WDTC1: variants seen among roughly 807,000 people sequenced by gnomAD.
WDTC1 encodes the protein WD and tetratricopeptide repeats 1.
Under a neutral mutation model 76.0 loss-of-function variants are expected in WDTC1, and 12 were observed. The ratio of observed to expected loss-of-function variants is 0.16; its 90% CI spans 0.10 to 0.26. WDTC1 has a LOEUF of 0.26. WDTC1 is among the 10% of genes least tolerant of loss of function. The pLI, the probability that WDTC1 is intolerant of heterozygous loss-of-function variation, is 1.00. For missense variants in WDTC1, 511 were observed against 908.8 expected (o/e 0.56, Z 5.63); for synonymous variants, 326 against 350.8 (o/e 0.93, Z 0.79).
At chr1:27,298,974 C>G (rs144530036) in intron 12 of WDTC1, among the ~76,000 whole-genome samples, 3 of 152,226 alleles carry the variant, frequency 2.0e-5, no homozygotes, top group Admixed American at 6.5e-5. Flanking sequence ...AAGATGCTGT[C>G]CCCCGGCCTT....
chr1:27,254,942 T>G (rs1330873372), intron 1 of WDTC1, among the ~76,000 whole-genome samples: 4 of 145,528 alleles, frequency 2.7e-5, no homozygotes, highest in Non-Finnish European at 6.1e-5. Flanking sequence ...TGACATTTTG[T>G]TTTTTTTTTT....
intron 3 of WDTC1, among the ~76,000 whole-genome samples, chr1:27,265,649 TA>T (rs75154332): frequency 4.3e-4 from 63 of 145,282 alleles, no homozygotes; most frequent in Middle Eastern, 3.5e-3. Flanking sequence ...AGACCCTGTT[TA>T]AAAAAAAAAA....
chr1:27,244,356 C>T (rs1220243905), intron 1 of WDTC1, among the ~76,000 whole-genome samples: 5 of 151,966 alleles, frequency 3.3e-5, no homozygotes, highest in Non-Finnish European at 5.9e-5. Context: ...TTTGAGACAG[C>T]GCCTCACTTT....
intron 1 of WDTC1, among the ~76,000 whole-genome samples, chr1:27,259,144 CT>C (rs917820688): frequency 6.6e-6 from 1 of 151,936 alleles, no homozygotes; most frequent in African/African-American, 2.4e-5. Context: ...CTATTGTTTT[CT>C]TTTTATTATT....
At chr1:27,258,793 C>T (rs2012375416) in intron 1 of WDTC1, among the ~76,000 whole-genome samples, 1 of 152,156 alleles carries the variant, frequency 6.6e-6, no homozygotes, top group South Asian at 2.1e-4. Context: ...AGTCTGCTCA[C>T]AGATCAGGTG....
At chr1:27,239,433 C>A (rs2011565929) in intron 1 of WDTC1, among the ~76,000 whole-genome samples, 2 of 146,984 alleles carry the variant, frequency 1.4e-5, no homozygotes, top group South Asian at 4.3e-4. Flanking sequence ...GAGGCGGGGG[C>A]ATCACTTGAG....
In WDTC1 at chr1:27,306,499, C is replaced by G. The variant is rs907307688; in HGVS notation, c.*116C>G. On this transcript the variant is annotated 3_prime_UTR_variant, in exon 16 of 16. Coordinates refer to ENST00000319394, the MANE Select transcript of WDTC1 (RefSeq NM_001276252.2). This position sits in a 1 kb window ranked among gnomAD's most constrained non-coding sequence, Gnocchi z 5.0. Reference sequence around the variant, plus strand: ...CCACCACCCTTTTTTTTCATTTCCCCTGTTTTGTTTGTTAGTTTGGCGTTA... The same window carrying G: ...CCACCACCCTTTTTTTTCATTTCCCGTGTTTTGTTTGTTAGTTTGGCGTTA... 20 of 1,309,592 alleles carry G rather than the reference C, an allele frequency of 1.5e-5. No homozygotes were observed. The East Asian group carries it at 2.8e-4, about 18-fold the overall frequency. The allele number at this position is 1,309,592 out of a possible 1,614,324, so 81.1% of individuals were successfully genotyped here.
Position 27,305,340 on chromosome 1 carries a change from C to G in WDTC1, c.1836+147C>G, listed in dbSNP as rs539695401. The G allele has an allele frequency of 9.8e-7, 1 of 1,017,936 alleles. No homozygotes were observed. The highest frequency in any genetic ancestry group is 1.8e-5 in the South Asian group (1 of 56,122). 63.1% of individuals were successfully genotyped at this position (1,017,936 alleles called of 1,614,324 possible). On this transcript the variant is annotated intron_variant, in intron 15 of 15. Transcript: ENST00000319394. This position sits in a 1 kb window ranked among gnomAD's most constrained non-coding sequence, Gnocchi z 4.6. The stretch of plus-strand genomic sequence containing the variant: ...ACCCCGGGGCCCAAGGCTGTGTTCT[C>G]AGATTCCAGAAGCTCCAAATGCAGC...
chr1:27,270,693 C>CA (rs1473082685), intron 3 of WDTC1, among the ~76,000 whole-genome samples: 2 of 152,024 alleles, frequency 1.3e-5, no homozygotes, highest in African/African-American at 4.8e-5. Context: ...GACTCTCCCT[C>CA]AAAAAATTAA....
At chr1:27,283,008 G>A (rs2013232057) in intron 4 of WDTC1, among the ~76,000 whole-genome samples, 1 of 151,634 alleles carries the variant, frequency 6.6e-6, no homozygotes, top group African/African-American at 2.4e-5. Context: ...TGTGGTGGCG[G>A]GCGCCTGTAG....
intron 1 of WDTC1, among the ~76,000 whole-genome samples, chr1:27,235,946 C>T (rs535795528): frequency 2.8e-4 from 43 of 152,192 alleles, no homozygotes; most frequent in Non-Finnish European, 5.7e-4. Context: ...GGTAAAGTGG[C>T]AGTGAAGTCT....
intron 1 of WDTC1, among the ~76,000 whole-genome samples, chr1:27,256,665 G>T (rs1191944408): frequency 3.3e-5 from 5 of 152,006 alleles, no homozygotes; most frequent in Non-Finnish European, 7.4e-5. Context: ...TTTATTGTCT[G>T]TCCCTTCCTG....
intron 12 of WDTC1, among the ~76,000 whole-genome samples, chr1:27,300,762 C>T (rs528333204): frequency 1.3e-5 from 2 of 152,190 alleles, no homozygotes; most frequent in African/African-American, 4.8e-5. Context: ...CCCAGCCTGA[C>T]ACTTCTGGCT....
intron 1 of WDTC1, among the ~76,000 whole-genome samples, chr1:27,248,342 A>C (rs1229688965): frequency 6.6e-6 from 1 of 152,174 alleles, no homozygotes; most frequent in African/African-American, 2.4e-5. Context: ...AATAATAGCT[A>C]TCCTGACTAG....
chr1:27,287,400 C>G (rs1010549887), intron 5 of WDTC1, among the ~76,000 whole-genome samples: 10 of 151,936 alleles, frequency 6.6e-5, no homozygotes, highest in African/African-American at 2.4e-4. Context: ...GAGACAGTCT[C>G]GCTCTGTTGC....
At position 27,305,157 on chromosome 1, in the gene WDTC1, C is replaced by T. The variant is rs2013923785; in HGVS notation, c.1800C>T (p.Ile600=). 4.3e-6 allele frequency: 7 copies of T among 1,614,010 alleles called. No homozygotes were observed. The highest frequency in any genetic ancestry group is 5.1e-6 in the Non-Finnish European group (6 of 1,179,964). The change falls in exon 15 of 16, where the codon ATC becomes ATT. Residue 600 remains isoleucine (I), a synonymous_variant. Transcript: ENST00000319394. This position sits in a 1 kb window ranked among gnomAD's most constrained non-coding sequence, Gnocchi z 4.6. ...ACTGCTTCCTGGCCACCAGTGGCATCGATCCTGTTGTGCGGCTCTGGAACC... is the reference window on the plus strand; with the variant it reads ...ACTGCTTCCTGGCCACCAGTGGCATTGATCCTGTTGTGCGGCTCTGGAACC... The part of the protein sequence containing the change: ...PSYCFLATSG[I]DPVVRLWNPR...
rs1246276742 is a variant in WDTC1 at position 27,306,187 on chromosome 1, G to A, written c.1838G>A (p.Ser613Asn). Residue 613 changes from serine (S) to asparagine (N), a missense_variant and splice_region_variant, in exon 16 of 16, where the codon AGT (serine) becomes AAT (asparagine). Coordinates refer to ENST00000319394, the MANE Select transcript of WDTC1 (RefSeq NM_001276252.2). This position sits in a 1 kb window ranked among gnomAD's most constrained non-coding sequence, Gnocchi z 5.0. Reference protein sequence around the residue: ...VVRLWNPRPESEDLTGRVVED... With the variant: ...VVRLWNPRPENEDLTGRVVED... ...GTGTCACCCCTTTCTCCACCACAGA[G>A]TGAAGACCTCACAGGCCGAGTCGTG... 1.9e-6 allele frequency: 3 copies of A among 1,614,004 alleles called. No homozygotes were observed. The highest frequency in any genetic ancestry group is 2.2e-5 in the East Asian group (1 of 44,878).
At chr1:27,279,603 G>T (rs904643036) in intron 3 of WDTC1, among the ~76,000 whole-genome samples, 1 of 152,118 alleles carries the variant, frequency 6.6e-6, no homozygotes, top group African/African-American at 2.4e-5. Context: ...GCCTTGCTCT[G>T]TTGCCCAGGC....
chr1:27,266,038 T>G (rs1381754944), intron 3 of WDTC1, among the ~76,000 whole-genome samples: 1 of 152,138 alleles, frequency 6.6e-6, no homozygotes, highest in Non-Finnish European at 1.5e-5. Flanking sequence ...CCTCAGTAAT[T>G]TTTAATAGCG....
Sources: allele counts gnomAD v4.1 joint callset (sites outside exome capture counted in the v4.1 genomes callset), GRCh38; gene constraint gnomAD v4.1.1; non-coding constraint Gnocchi (gnomAD v3.1); transcripts MANE v1.5; gene names NCBI Gene and HGNC (gene_info 2026-07-23, HGNC 2026-07-21).